PTPRS: variants seen among roughly 807,000 people sequenced by gnomAD.
The protein encoded by PTPRS is protein tyrosine phosphatase receptor type S, also known as receptor-type tyrosine-protein phosphatase S.
PTPRS carries 63 observed loss-of-function variants against 215.3 expected under a neutral mutation model. The ratio of observed to expected loss-of-function variants is 0.29; its 90% CI spans 0.24 to 0.36. PTPRS has a LOEUF of 0.36. Ranked by LOEUF, PTPRS falls within the 10% of genes least tolerant of loss-of-function variation. The probability of loss-of-function intolerance (pLI) is 1.00; values close to 1 mark genes in which losing one functional copy is unlikely to be tolerated. For synonymous variants in PTPRS, 1,404 were observed against 1,191.4 expected, an observed-to-expected ratio of 1.18 and a Z score of -3.68; for missense variants, 2,258 against 2,825.8, an observed-to-expected ratio of 0.80 and a Z score of 4.56.
rs1453372749 is a variant in PTPRS, at chr19:5,237,169, C to T, written c.1849+1750G>A. Reference sequence around the variant, plus strand: ...TGGCCCCGCAGCCCTGCTCCAGCCCCCAGCGTGCGCACGCTGAGGTTCCAG... The same window carrying T: ...TGGCCCCGCAGCCCTGCTCCAGCCCTCAGCGTGCGCACGCTGAGGTTCCAG... On this transcript the variant is annotated intron_variant, in intron 13 of 37. Coordinates refer to ENST00000262963, the MANE Select transcript of PTPRS (RefSeq NM_002850.4). The surrounding 1 kb of genome is among the most constrained non-coding windows in gnomAD (Gnocchi z 4.2). Among the ~76,000 whole-genome samples, 1 of 152,148 alleles carries T rather than the reference C, an allele frequency of 6.6e-6. No individual in the cohort carries two copies. Among genetic ancestry groups the T allele is most frequent in the Non-Finnish European group, 1.5e-5 (1 of 68,020 alleles).
At chr19:5,308,975 C>G (rs2049597191) in intron 1 of PTPRS, among the ~76,000 whole-genome samples, 1 of 152,112 alleles carries the variant, frequency 6.6e-6, no homozygotes, top group South Asian at 2.1e-4. Context: ...AAAAGGAACC[C>G]TGGGTGTAGA....
chr19:5,275,714 A>G (rs2047306136), intron 2 of PTPRS, among the ~76,000 whole-genome samples: 1 of 152,128 alleles, frequency 6.6e-6, no homozygotes, highest in Admixed American at 6.5e-5. Context: ...GCTGAGGCAG[A>G]AGAATTGCTT....
intron 1 of PTPRS, among the ~76,000 whole-genome samples, chr19:5,324,694 C>T (rs1291657036): frequency 1.3e-5 from 2 of 152,206 alleles, no homozygotes; most frequent in African/African-American, 2.4e-5. Context: ...CACATCCCCT[C>T]TCTGAGCCTC....
At chr19:5,307,891 T>C (rs1600090202) in intron 1 of PTPRS, among the ~76,000 whole-genome samples, 1 of 152,142 alleles carries the variant, frequency 6.6e-6, no homozygotes, top group East Asian at 1.9e-4. Flanking sequence ...CGCCCACCAG[T>C]TTACGTGTTT....
At chr19:5,298,938 T>G (rs930105709) in intron 1 of PTPRS, among the ~76,000 whole-genome samples, 3 of 152,218 alleles carry the variant, frequency 2.0e-5, no homozygotes, top group African/African-American at 7.2e-5. Context: ...CATATGGTGT[T>G]GGTCTGGAAA....
chr19:5,291,871 C>T (rs1192912718), intron 1 of PTPRS, among the ~76,000 whole-genome samples: 1 of 151,958 alleles, frequency 6.6e-6, no homozygotes, highest in Non-Finnish European at 1.5e-5. Context: ...CCTCATCACG[C>T]CACAACCCCC....
At chr19:5,282,758 C>A (rs542401577) in intron 2 of PTPRS, among the ~76,000 whole-genome samples, 1 of 149,444 alleles carries the variant, frequency 6.7e-6, no homozygotes, top group African/African-American at 2.5e-5. Context: ...GAGCCGAGAT[C>A]GAGCCTGGGC....
At chr19:5,216,335 T>A (rs2041449945) in intron 26 of PTPRS, among the ~76,000 whole-genome samples, 1 of 152,170 alleles carries the variant, frequency 6.6e-6, no homozygotes, top group African/African-American at 2.4e-5. Context: ...GTGTACCGGA[T>A]GTTCAGCTCT....
intron 19 of PTPRS, 112 bp from the exon 20 acceptor site, chr19:5,221,365 GC>G: frequency 1.4e-6 from 2 of 1,396,030 alleles, no homozygotes; most frequent in Non-Finnish European, 1.9e-6. Flanking sequence ...ACTGAATCCT[GC>G]CCTAGGCAGA....
At chr19:5,266,514 T>A (rs939585346) in intron 4 of PTPRS, among the ~76,000 whole-genome samples, 1 of 151,900 alleles carries the variant, frequency 6.6e-6, no homozygotes, top group Non-Finnish European at 1.5e-5. Flanking sequence ...GGCAGTGGCA[T>A]GCACTCCACG....
At chr19:5,316,780 C>T (rs533295073) in intron 1 of PTPRS, among the ~76,000 whole-genome samples, 18 of 151,856 alleles carry the variant, frequency 1.2e-4, no homozygotes, top group African/African-American at 4.3e-4. Context: ...CCACCTGCCT[C>T]AGTCTCCCAA....
At chr19:5,289,434 G>C (rs1420768609) in intron 1 of PTPRS, among the ~76,000 whole-genome samples, 2 of 152,164 alleles carry the variant, frequency 1.3e-5, no homozygotes, top group Non-Finnish European at 2.9e-5. Context: ...AAACCAGAAA[G>C]CATCTGCAAG....
At chr19:5,264,941 C>G in intron 5 of PTPRS, 67 bp downstream of exon 5, 1 of 1,558,442 alleles carries the variant, frequency 6.4e-7, no homozygotes, top group Non-Finnish European at 8.8e-7. Flanking sequence ...AACTTGGGCC[C>G]TGGAGATGCT....
chr19:5,287,666 T>C lies in PTPRS; in HGVS notation c.-94-1432A>G, dbSNP rs543892518. Among the ~76,000 whole-genome samples, 1 of 152,114 alleles carries C rather than the reference T, an allele frequency of 6.6e-6. No individual in the cohort carries two copies. Among genetic ancestry groups the C allele is most frequent in the Non-Finnish European group, 1.5e-5 (1 of 67,958 alleles). On this transcript the variant is annotated intron_variant, in intron 1 of 37. Transcript: ENST00000262963. This position sits in a 1 kb window ranked among gnomAD's most constrained non-coding sequence, Gnocchi z 4.8. ...GATTCTGACTCCCAAAATACCCAGC[T>C]GCGGTCACCTCGCCCAGCCCTGGGG...
At chr19:5,226,062 G>A (rs112343585) in intron 16 of PTPRS, among the ~76,000 whole-genome samples, 1,982 of 152,204 alleles carry the variant, frequency 0.013, 56 homozygotes, top group African/African-American at 0.046. Flanking sequence ...CGCTTGCCAG[G>A]ACCAACTCGG....
At chr19:5,274,368 G>A (rs775723268) in intron 2 of PTPRS, 24 bp from the exon 3 acceptor site, 2 of 1,596,534 alleles carry the variant, frequency 1.3e-6, no homozygotes, top group Non-Finnish European at 1.7e-6. Flanking sequence ...GGAAAGAAGG[G>A]GGGGCGCTGA....
chr19:5,268,222 A>G (rs1404102020), intron 4 of PTPRS, among the ~76,000 whole-genome samples: 4 of 152,160 alleles, frequency 2.6e-5, no homozygotes, highest in Non-Finnish European at 5.9e-5. Context: ...TTTTATTGGC[A>G]CACAGCCACG....
At chr19:5,219,918 C>T (rs764157001) in intron 22 of PTPRS, 21 bp downstream of exon 22, 27 of 1,609,430 alleles carry the variant, frequency 1.7e-5, no homozygotes, top group East Asian at 1.6e-4. Context: ...TGGATGTGGG[C>T]GGACACCATT....
chr19:5,216,503 ACACATACACAC>A (rs201801603), intron 26 of PTPRS, among the ~76,000 whole-genome samples: 4,192 of 152,156 alleles, frequency 0.028, 79 homozygotes, highest in Middle Eastern at 0.078. Flanking sequence ...TCCCTGACAC[ACACATACACAC>A]CACACACACA....
Sources: allele counts gnomAD v4.1 joint callset (sites outside exome capture counted in the v4.1 genomes callset), GRCh38; gene constraint gnomAD v4.1.1; non-coding constraint Gnocchi (gnomAD v3.1); transcripts MANE v1.5; gene names NCBI Gene and HGNC (gene_info 2026-07-23, HGNC 2026-07-21).